Variants in IPO7 observed in about 807,000 individuals in gnomAD.
IPO7 encodes the protein importin 7.
Under a neutral mutation model 136.4 loss-of-function variants are expected in IPO7, and 13 were observed. The observed-to-expected ratio is 0.10, with a 90% CI of 0.06 to 0.15. The LOEUF (loss-of-function observed/expected upper bound fraction) is 0.15, where lower values mean the gene tolerates loss of function less well. IPO7 is among the 10% of genes least tolerant of loss of function. The pLI is 1.00. For synonymous variants in IPO7, 403 were observed against 404.4 expected, an observed-to-expected ratio of 1.00 and a Z score of 0.04; for missense variants, 857 against 1,240.6, an observed-to-expected ratio of 0.69 and a Z score of 4.65.
In IPO7 at chr11:9,420,623, C is replaced by T. The variant is rs777248702; in HGVS notation, c.831C>T (p.Ser277=). Residue 277 remains serine, a synonymous_variant, in exon 8 of 25, where the codon AGC becomes AGT. Coordinates refer to ENST00000379719, the MANE Select transcript of IPO7 (RefSeq NM_006391.3). ...TTTGATGTTCTTTTAGATATGGAAG[C>T]CCTGGCAATGTTTCCAAGGAGTATA... The part of the protein sequence containing the change: ...ILARLFERYG[S]PGNVSKEYNE... 6 of 1,611,542 alleles carry T rather than the reference C, an allele frequency of 3.7e-6. No individual in the cohort carries two copies. Among genetic ancestry groups the T allele is most frequent in the Non-Finnish European group, 5.1e-6 (6 of 1,177,892 alleles).
chr11:9,437,889 G>C lies in IPO7; in HGVS notation c.2404G>C (p.Glu802Gln), dbSNP rs1283093488. ...YNPHLLLNTL[E>Q]NLRFPNNVEP... is the part of the protein sequence containing the mutation. ...TCCACACCTACTACTCAATACCTTA[G>C]AAAATCTTCGCTTCCCTAATAATGT... Residue 802 changes from glutamate (E) to glutamine (Q), a missense_variant, in exon 21 of 25, where the codon GAA becomes CAA. Coordinates refer to ENST00000379719, the MANE Select transcript of IPO7 (RefSeq NM_006391.3). The C allele has an allele frequency of 6.2e-7, 1 of 1,613,872 alleles. No individual in the cohort carries two copies. Among genetic ancestry groups the C allele is most frequent in the Middle Eastern group, 1.6e-4 (1 of 6,062 alleles).
intron 19 of IPO7, 76 bp downstream of exon 19, chr11:9,435,107 A>G: frequency 1.2e-6 from 1 of 867,302 alleles, no homozygotes. Context: ...CTCATGTGAT[A>G]CCACATTGTA....
In IPO7 at chr11:9,410,054, T is replaced by G; in HGVS notation, c.447T>G (p.Leu149=). The change falls in exon 4 of 25, where the codon CTT becomes CTG. Residue 149 remains leucine, a synonymous_variant. Transcript: ENST00000379719. ...ACAGTGCTTGTTGGCTAGGAATTCT[T>G]CTTTGCCTTTATCAGCTTGTGAAAA... ...SDNSACWLGI[L]LCLYQLVKNY... 6.2e-7 allele frequency: 1 copy of G among 1,601,670 alleles called. No homozygotes were observed. Among genetic ancestry groups the G allele is most frequent in the South Asian group, 1.1e-5 (1 of 88,350 alleles).
At position 9,423,080 on chromosome 11, in the gene IPO7, T is replaced by C. The variant is rs566099647; in HGVS notation, c.981T>C (p.Asn327=). ...MAPRVLQQTL[N]YINQGVSHAL... is the part of the protein sequence containing the mutation. The stretch of plus-strand genomic sequence containing the variant: ...CTCGAGTTTTACAACAGACATTAAA[T>C]TATATTAATCAAGGAGTTTCTCATG... Residue 327 remains asparagine, a synonymous_variant, in exon 9 of 25, where the codon AAT becomes AAC. Transcript: ENST00000379719. The C allele has an allele frequency of 1.3e-6, 2 of 1,593,266 alleles. No individual in the cohort carries two copies. The highest frequency in any genetic ancestry group is 1.3e-5 in the African/African-American group (1 of 74,652).
Position 9,397,351 on chromosome 11 carries a change from T to A in IPO7, c.85-5939T>A, listed in dbSNP as rs1320946303. On this transcript the variant is annotated intron_variant, in intron 1 of 24. Transcript: ENST00000379719. ...AATAATTTAAAAAAAAATATATATA[T>A]ATATATATATATATTAGTCGGGCAC... Among the ~76,000 whole-genome samples, 62 of 24,932 alleles carry A rather than the reference T, an allele frequency of 2.5e-3. 11 individuals are homozygous for A. The East Asian group carries it at 0.053, about 21-fold the overall frequency. 16.4% of individuals were successfully genotyped at this position (24,932 alleles called of 152,430 possible).
chr11:9,419,014 C>G (rs1855084384), intron 6 of IPO7, among the ~76,000 whole-genome samples: 2 of 152,120 alleles, frequency 1.3e-5, no homozygotes, highest in African/African-American at 4.8e-5. Context: ...TGATGGACAT[C>G]TGGGTAGTTT....
intron 4 of IPO7, 148 bp from the exon 5 acceptor site, chr11:9,414,107 T>G (rs1439167681): frequency 1.8e-6 from 1 of 564,452 alleles, no homozygotes; most frequent in Non-Finnish European, 3.0e-6. Flanking sequence ...AGATGCTTCC[T>G]TTTTATGGTT....
chr11:9,405,103 T>A (rs1161021900), intron 2 of IPO7, among the ~76,000 whole-genome samples: 1 of 151,862 alleles, frequency 6.6e-6, no homozygotes, highest in Non-Finnish European at 1.5e-5. Context: ...AGATAGGAAT[T>A]ATTATTATTA....
chr11:9,432,255 G>A (rs1217910972), intron 16 of IPO7, among the ~76,000 whole-genome samples: 1 of 149,158 alleles, frequency 6.7e-6, no homozygotes, highest in Non-Finnish European at 1.5e-5. Flanking sequence ...AGGCAGGAGT[G>A]CAGTGGCGCC....
intron 2 of IPO7, among the ~76,000 whole-genome samples, chr11:9,406,142 G>A (rs1422896231): frequency 8.5e-6 from 1 of 117,370 alleles, no homozygotes; most frequent in Admixed American, 1.1e-4. Context: ...TAGTAGAGAC[G>A]GGGTCTCACT....
At chr11:9,430,479 A>G (rs1404660149) in intron 15 of IPO7, 1 of 168,088 alleles carries the variant, frequency 5.9e-6, no homozygotes, top group Non-Finnish European at 1.3e-5. Context: ...AAAATAATCG[A>G]TTGAATTTTA....
At chr11:9,427,214 T>C (rs545829327) in intron 12 of IPO7, among the ~76,000 whole-genome samples, 1 of 152,196 alleles carries the variant, frequency 6.6e-6, no homozygotes, top group Non-Finnish European at 1.5e-5. Flanking sequence ...CTTTACATTC[T>C]AAAGCCAGGC....
Position 9,445,340 on chromosome 11 carries a change from T to G in IPO7, c.*146T>G. 1 of 221,958 alleles carries G rather than the reference T, an allele frequency of 4.5e-6. No homozygotes were observed. The highest frequency in any genetic ancestry group is 9.2e-6 in the Non-Finnish European group (1 of 108,544). 13.7% of individuals were successfully genotyped at this position (221,958 alleles called of 1,614,324 possible). A position where few individuals can be genotyped will look rare whatever the true frequency, so the allele number is the denominator to read the frequency against. ...AACAACAACCCCAGGAGATGGGACCTGATCATGCAACCTGGCACTGGAAAA... is the reference window on the plus strand; with the variant it reads ...AACAACAACCCCAGGAGATGGGACCGGATCATGCAACCTGGCACTGGAAAA... On this transcript the variant is annotated 3_prime_UTR_variant, in exon 25 of 25. Coordinates refer to ENST00000379719, the MANE Select transcript of IPO7 (RefSeq NM_006391.3).
At chr11:9,417,030 C>A in intron 5 of IPO7, 29 bp from the exon 6 acceptor site, 1 of 1,056,360 alleles carries the variant, frequency 9.5e-7, no homozygotes, top group Non-Finnish European at 1.4e-6. Context: ...GCAAGGATTT[C>A]GAAATATTAA....
chr11:9,446,774 G>A lies in IPO7; in HGVS notation c.*1580G>A, dbSNP rs14433. 1 of 152,084 alleles carries A rather than the reference G, an allele frequency of 6.6e-6. No individual in the cohort carries two copies. The highest frequency in any genetic ancestry group is 1.5e-5 in the Non-Finnish European group (1 of 68,016). 9.4% of individuals were successfully genotyped at this position (152,084 alleles called of 1,614,324 possible). ...AACCCATTGTTGTTGTGTTTTTCTT[G>A]TATACCAATAATTAAGCCACTACTG... On this transcript the variant is annotated 3_prime_UTR_variant, in exon 25 of 25. Transcript: ENST00000379719.
chr11:9,388,958 C>G (rs10770026), intron 1 of IPO7, among the ~76,000 whole-genome samples: 77,260 of 151,824 alleles, frequency 0.51, 22,141 homozygotes, highest in Non-Finnish European at 0.65. Context: ...TCCTTGATTT[C>G]CCAGTAATAG....
intron 1 of IPO7, among the ~76,000 whole-genome samples, chr11:9,401,933 C>T (rs749655157): frequency 1.1e-4 from 17 of 152,188 alleles, no homozygotes; most frequent in Non-Finnish European, 1.9e-4. Context: ...CATTGCAATC[C>T]GCCTGCCTTG....
At chr11:9,397,102 G>A (rs1322238192) in intron 1 of IPO7, among the ~76,000 whole-genome samples, 1 of 151,006 alleles carries the variant, frequency 6.6e-6, no homozygotes, top group African/African-American at 2.4e-5. Flanking sequence ...CATCTGTCCA[G>A]CCAACAAAAA....
chr11:9,421,262 A>T (rs1393833466), intron 8 of IPO7, among the ~76,000 whole-genome samples: 1 of 134,228 alleles, frequency 7.5e-6, no homozygotes, highest in East Asian at 2.2e-4. Context: ...CCCCCGGCCC[A>T]GAATTCTAAT....
Sources: gnomAD v4.1 joint callset for allele counts (sites outside exome capture counted in the v4.1 genomes callset) on GRCh38, gnomAD v4.1.1 for gene constraint, MANE v1.5 for transcripts, NCBI Gene and HGNC (gene_info 2026-07-23, HGNC 2026-07-21) for gene names.